DLG2: variants seen among roughly 807,000 people sequenced by gnomAD.
DLG2 encodes disks large homolog 2.
Under a neutral mutation model 132.5 loss-of-function variants are expected in DLG2, and 45 were observed. The observed-to-expected ratio is 0.34, with a 90% CI of 0.27 to 0.44. The LOEUF (loss-of-function observed/expected upper bound fraction) is 0.44. Ranked by LOEUF, DLG2 falls within the 20% of genes least tolerant of loss-of-function variation. The probability of loss-of-function intolerance (pLI) is 1.00; values close to 1 mark genes in which losing one functional copy is unlikely to be tolerated. For missense variants in DLG2, 1,045 were observed against 1,196.9 expected (o/e 0.87, Z 1.87); for synonymous variants, 424 against 419.6 (o/e 1.01, Z -0.13).
At chr11:84,624,857 C>CT (rs776520040) in intron 6 of DLG2, among the ~76,000 whole-genome samples, 932 of 76,152 alleles carry the variant, frequency 0.012, 132 homozygotes, top group Middle Eastern at 0.024. Context: ...GAGAGTCAAC[C>CT]TTTTTTTTTT....
At chr11:84,795,266 G>A (rs2074417337) in intron 6 of DLG2, among the ~76,000 whole-genome samples, 1 of 151,924 alleles carries the variant, frequency 6.6e-6, no homozygotes, top group South Asian at 2.1e-4. Flanking sequence ...AGGACACTCT[G>A]CCTGCAGAGA....
At chr11:85,099,404 A>G (rs1277698194) in intron 6 of DLG2, among the ~76,000 whole-genome samples, 1 of 152,216 alleles carries the variant, frequency 6.6e-6, no homozygotes, top group Non-Finnish European at 1.5e-5. Flanking sequence ...TCTCTTTTAT[A>G]TACTTCAGGC....
At chr11:84,097,479 C>A (rs1429870928) in intron 10 of DLG2, among the ~76,000 whole-genome samples, 1 of 152,152 alleles carries the variant, frequency 6.6e-6, no homozygotes, top group Non-Finnish European at 1.5e-5. Flanking sequence ...CTCCACAGCT[C>A]TTTGGCTATA....
chr11:85,542,864 A>G (rs1216640506), intron 3 of DLG2, among the ~76,000 whole-genome samples: 3 of 152,252 alleles, frequency 2.0e-5, no homozygotes, highest in Admixed American at 6.5e-5. Context: ...TAAGATAAAT[A>G]TAAGTTGTAT....
chr11:83,889,877 G>A (rs947451265), intron 15 of DLG2, among the ~76,000 whole-genome samples: 98 of 146,616 alleles, frequency 6.7e-4, no homozygotes, highest in Non-Finnish European at 9.2e-4. Flanking sequence ...ACCAAATACC[G>A]CATATTCTCA....
chr11:84,353,593 C>T (rs1476786535), intron 7 of DLG2, among the ~76,000 whole-genome samples: 3 of 152,112 alleles, frequency 2.0e-5, no homozygotes, highest in Non-Finnish European at 4.4e-5. Flanking sequence ...ATTCAACAGC[C>T]ATAGTATTCT....
At chr11:83,514,564 A>G (rs1026129456) in intron 21 of DLG2, among the ~76,000 whole-genome samples, 1 of 152,148 alleles carries the variant, frequency 6.6e-6, no homozygotes, top group Non-Finnish European at 1.5e-5. Context: ...TTCCAACACT[A>G]TGTTGAATAG....
intron 3 of DLG2, among the ~76,000 whole-genome samples, chr11:85,390,702 A>G (rs929733870): frequency 1.3e-5 from 2 of 152,124 alleles, no homozygotes; most frequent in African/African-American, 4.8e-5. Context: ...TGGGTCAAAA[A>G]TGAAATCAAG....
intron 7 of DLG2, among the ~76,000 whole-genome samples, chr11:84,418,738 C>A (rs1160836876): frequency 6.6e-6 from 1 of 152,160 alleles, no homozygotes; most frequent in Non-Finnish European, 1.5e-5. Context: ...CTCCTCTATA[C>A]CCTATTCTCA....
At chr11:83,594,072 A>C (rs540057061) in intron 19 of DLG2, among the ~76,000 whole-genome samples, 1 of 152,360 alleles carries the variant, frequency 6.6e-6, no homozygotes, top group East Asian at 1.9e-4. Context: ...AAATACTGGG[A>C]AAGAGACAAT....
intron 6 of DLG2, among the ~76,000 whole-genome samples, chr11:85,097,922 G>A (rs2152257114): frequency 6.6e-6 from 1 of 152,298 alleles, no homozygotes; most frequent in South Asian, 2.1e-4. Flanking sequence ...GGGTAGAGTA[G>A]AATTAGTTGC....
intron 6 of DLG2, among the ~76,000 whole-genome samples, chr11:84,707,066 G>C (rs1338042189): frequency 6.6e-6 from 1 of 151,678 alleles, no homozygotes; most frequent in African/African-American, 2.4e-5. Context: ...AGAAAAATCT[G>C]AAAGTTATCT....
rs373304988 is a variant in DLG2, at chr11:85,048,145, T to C, written c.357+63516A>G. 1.1e-4 allele frequency among the ~76,000 whole-genome samples: 17 copies of C among 152,116 alleles called. No individual in the cohort carries two copies. The East Asian group carries it at 3.3e-3, about 29-fold the overall frequency. ...TACATGACACAAAGCAATTATTTCA[T>C]GATTTTTAAATATAAAAGCACCTAC... On this transcript the variant is annotated intron_variant, in intron 6 of 27. Transcript: ENST00000376104.
chr11:83,493,280 C>T (rs1272147224), intron 21 of DLG2, among the ~76,000 whole-genome samples: 1 of 152,000 alleles, frequency 6.6e-6, no homozygotes, highest in East Asian at 1.9e-4. Flanking sequence ...TTCTGACAGG[C>T]CTGTCTAAAA....
chr11:85,382,693 A>G (rs948643876), intron 3 of DLG2, among the ~76,000 whole-genome samples: 33 of 152,156 alleles, frequency 2.2e-4, no homozygotes, highest in Admixed American at 1.3e-4. Context: ...TGAACGGACA[A>G]TTTGCCAGAG....
chr11:84,942,008 A>G (rs2049501412), intron 6 of DLG2, among the ~76,000 whole-genome samples: 1 of 151,996 alleles, frequency 6.6e-6, no homozygotes, highest in African/African-American at 2.4e-5. Context: ...GAATTTTTGC[A>G]TTTCCTCCAG....
intron 7 of DLG2, among the ~76,000 whole-genome samples, chr11:84,315,152 A>G (rs879083877): frequency 6.6e-6 from 1 of 152,158 alleles, no homozygotes; most frequent in Admixed American, 6.5e-5. Flanking sequence ...AATTATCAGT[A>G]TACGGTCTAT....
intron 17 of DLG2, among the ~76,000 whole-genome samples, chr11:83,805,831 G>A (rs148225963): frequency 2.6e-4 from 40 of 152,244 alleles, no homozygotes; most frequent in East Asian, 1.7e-3. Flanking sequence ...ATGAGGGAAC[G>A]TTAGAGTGGA....
intron 6 of DLG2, among the ~76,000 whole-genome samples, chr11:84,655,071 G>C (rs780776978): frequency 3.3e-5 from 5 of 152,116 alleles, no homozygotes; most frequent in Non-Finnish European, 5.9e-5. Context: ...GTAATGTGTA[G>C]ATAAACATTT....
Sources: allele counts gnomAD v4.1 joint callset (sites outside exome capture counted in the v4.1 genomes callset), GRCh38; gene constraint gnomAD v4.1.1; transcripts MANE v1.5; gene names NCBI Gene and HGNC (gene_info 2026-07-23, HGNC 2026-07-21).